LMNB2: variants seen among roughly 807,000 people sequenced by gnomAD.
LMNB2 encodes the protein lamin-B2.
A neutral mutation model predicts 69.3 loss-of-function variants in LMNB2; 17 were observed. The ratio of observed to expected loss-of-function variants is 0.25; its 90% CI spans 0.17 to 0.37. LMNB2 has a LOEUF of 0.37. Among genes scored for constraint, LMNB2 ranks in the 10% least tolerant of loss-of-function variants. The probability of loss-of-function intolerance (pLI) is 1.00; values close to 1 mark genes in which losing one functional copy is unlikely to be tolerated. For missense variants in LMNB2, 789 were observed against 883.6 expected (o/e 0.89, Z 1.36); for synonymous variants, 397 against 389.3 (o/e 1.02, Z -0.23).
In LMNB2 at chr19:2,440,390, A is replaced by G. The variant is rs1252106321; in HGVS notation, c.402-1859T>C. Among the ~76,000 whole-genome samples, 3 of 152,020 alleles carry G rather than the reference A, an allele frequency of 2.0e-5. No individual in the cohort carries two copies. The East Asian group carries it at 5.8e-4, about 29-fold the overall frequency. On this transcript the variant is annotated intron_variant, in intron 2 of 11. Transcript: ENST00000325327. Reference sequence around the variant, plus strand: ...TTTTTAGTAGAGACGGGGTTTCTCCATGTTGGTTAGCCTGGTCTTGAACTC... The same window carrying G: ...TTTTTAGTAGAGACGGGGTTTCTCCGTGTTGGTTAGCCTGGTCTTGAACTC...
At position 2,434,820 on chromosome 19, in the gene LMNB2, G is replaced by A; in HGVS notation, c.949C>T (p.Leu317Phe). The A allele has an allele frequency of 6.2e-7, 1 of 1,608,866 alleles. No homozygotes were observed. Among genetic ancestry groups the A allele is most frequent in the Admixed American group, 1.7e-5 (1 of 59,804 alleles). Reference sequence around the variant, plus strand: ...TGGAGGCCGGAGAGCTGGTAGCTGAGGGACTCCAGGCGCATGCGGGCCTCC... The same window carrying A: ...TGGAGGCCGGAGAGCTGGTAGCTGAAGGACTCCAGGCGCATGCGGGCCTCC... ...LKEARMRLES[L>F]SYQLSGLQKQ... is the part of the protein sequence containing the mutation. Residue 317 changes from leucine (L) to phenylalanine (F), a missense_variant, in exon 6 of 12, where the codon CTC becomes TTC. By Grantham distance (22) the Leu-to-Phe change is conservative. Around this residue, in one of 3 missense-constraint regions of LMNB2, gnomAD observed 609 missense variants for 630.9 expected, o/e 0.97. Transcript: ENST00000325327.
At chr19:2,431,992 C>G (rs1599329845) in intron 9 of LMNB2, 90 bp from the exon 10 acceptor site, 12 of 1,498,564 alleles carry the variant, frequency 8.0e-6, no homozygotes, top group South Asian at 7.2e-5. Context: ...AAGCCCCCTT[C>G]AATGCCCTGG....
rs1971685450 is a variant in LMNB2, at chr19:2,428,190, G to C, written c.*2721C>G. 6.6e-6 allele frequency: 1 copy of C among 152,092 alleles called. No homozygotes were observed. The highest frequency in any genetic ancestry group is 2.4e-5 in the African/African-American group (1 of 41,374). The allele number at this position is 152,092 out of a possible 1,614,324, so 9.4% of individuals were successfully genotyped here. A position where few individuals can be genotyped will look rare whatever the true frequency, so the allele number is the denominator to read the frequency against. ...CTAAAATCAAAATGTTTATTGGAGTGTTGTACAAAAAAGTTTCCAGTCATA... is the reference window on the plus strand; with the variant it reads ...CTAAAATCAAAATGTTTATTGGAGTCTTGTACAAAAAAGTTTCCAGTCATA... On this transcript the variant is annotated 3_prime_UTR_variant, in exon 12 of 12. Transcript: ENST00000325327.
At chr19:2,432,339 G>T in intron 9 of LMNB2, 77 bp downstream of exon 9, 7 of 456,470 alleles carry the variant, frequency 1.5e-5, no homozygotes, top group Middle Eastern at 4.1e-4. Flanking sequence ...CCCCCGCCAA[G>T]TCCTGTGCCT....
chr19:2,454,310 A>AAAAG (rs1482781288), intron 1 of LMNB2, among the ~76,000 whole-genome samples: 1 of 151,066 alleles, frequency 6.6e-6, no homozygotes, highest in African/African-American at 2.4e-5. Flanking sequence ...AAAAAAAAAA[A>AAAAG]AAAGAAAGAA....
rs1006878874 is a variant in LMNB2, at chr19:2,430,029, G to C, written c.*882C>G. On this transcript the variant is annotated 3_prime_UTR_variant, in exon 12 of 12. Transcript: ENST00000325327. Reference sequence around the variant, plus strand: ...GCAGACGGAGCTGGAACACGGGAGGGGCTCCACAGCGCTCTCCTCCAGAGG... The same window carrying C: ...GCAGACGGAGCTGGAACACGGGAGGCGCTCCACAGCGCTCTCCTCCAGAGG... 2.0e-5 allele frequency: 3 copies of C among 152,520 alleles called. No homozygotes were observed. Among genetic ancestry groups the C allele is most frequent in the African/African-American group, 7.2e-5 (3 of 41,434 alleles). The allele number at this position is 152,520 out of a possible 1,614,324, so 9.4% of individuals were successfully genotyped here.
At chr19:2,440,502 ATATC>A (rs1194935039) in intron 2 of LMNB2, among the ~76,000 whole-genome samples, 5 of 152,090 alleles carry the variant, frequency 3.3e-5, no homozygotes, top group Non-Finnish European at 7.4e-5. Context: ...ACAGATAGCT[ATATC>A]TATCTATTGC....
chr19:2,445,104 C>G (rs923000436), intron 1 of LMNB2, among the ~76,000 whole-genome samples: 2 of 152,126 alleles, frequency 1.3e-5, no homozygotes, highest in African/African-American at 2.4e-5. Context: ...TGATCACTCT[C>G]GGACAACTGG....
intron 4 of LMNB2, chr19:2,436,771 C>A: frequency 6.3e-6 from 1 of 158,410 alleles, no homozygotes; most frequent in South Asian, 1.7e-4. Flanking sequence ...CCTTCCGCCC[C>A]CACGGCCGCC....
At chr19:2,455,953 G>A (rs976187795) in intron 1 of LMNB2, among the ~76,000 whole-genome samples, 4 of 149,366 alleles carry the variant, frequency 2.7e-5, no homozygotes, top group Non-Finnish European at 6.0e-5. Flanking sequence ...AGACCCCCAA[G>A]CCGGGACCCT....
At chr19:2,456,581 C>G (rs1291725614) in intron 1 of LMNB2, 89 bp downstream of exon 1, 12 of 1,278,474 alleles carry the variant, frequency 9.4e-6, no homozygotes, top group Admixed American at 8.7e-5. Context: ...CGTCTGCACC[C>G]CCGCCCAGGG....
chr19:2,452,972 G>A (rs1727206927), intron 1 of LMNB2, among the ~76,000 whole-genome samples: 2 of 132,838 alleles, frequency 1.5e-5, no homozygotes, highest in Non-Finnish European at 3.2e-5. Context: ...CCTAATGGGG[G>A]ATGGGTCATC....
Position 2,438,418 on chromosome 19 carries a change from C to G in LMNB2, c.515G>C (p.Gly172Ala). Residue 172 changes from glycine (G) to alanine (A), a missense_variant, in exon 3 of 12, where the codon GGC becomes GCC. Coordinates refer to ENST00000325327, the MANE Select transcript of LMNB2 (RefSeq NM_032737.4). ...ELAAALSDKRGLESDVAELRA... is the reference protein window; with the variant it reads ...ELAAALSDKRALESDVAELRA... The stretch of plus-strand genomic sequence containing the variant: ...CAGCTCAGCCACGTCACTCTCCAGG[C>G]CGCGCTTGTCGCTGAGGGCAGCTGC... 6.2e-7 allele frequency: 1 copy of G among 1,612,808 alleles called. No homozygotes were observed. The highest frequency in any genetic ancestry group is 8.5e-7 in the Non-Finnish European group (1 of 1,179,890).
intron 9 of LMNB2, 76 bp from the exon 10 acceptor site, chr19:2,431,978 C>T: frequency 1.3e-6 from 2 of 1,536,194 alleles, no homozygotes; most frequent in East Asian, 4.8e-5. Context: ...TGGCCCCTAC[C>T]ACAAAGCCCC....
chr19:2,438,587 G>A, intron 2 of LMNB2, 56 bp from the exon 3 acceptor site: 2 of 1,586,042 alleles, frequency 1.3e-6, no homozygotes, highest in Admixed American at 1.7e-5. Context: ...GGGCCACAGG[G>A]AGCACCTCAG....
At chr19:2,439,073 AGG>A (rs753428829) in intron 2 of LMNB2, among the ~76,000 whole-genome samples, 3 of 84,428 alleles carry the variant, frequency 3.6e-5, no homozygotes, top group Admixed American at 2.1e-4. Flanking sequence ...TTTAAGAGAC[AGG>A]GGTTCACTTG....
chr19:2,430,746 A>C lies in LMNB2; in HGVS notation c.*165T>G. The C allele has an allele frequency of 1.4e-6, 1 of 708,010 alleles. No individual in the cohort carries two copies. Among genetic ancestry groups the C allele is most frequent in the Non-Finnish European group, 2.6e-6 (1 of 381,068 alleles). 43.9% of individuals were successfully genotyped at this position (708,010 alleles called of 1,614,324 possible). ...CGAAGTGGCAGCGAAGTGAGGCTGG[A>C]GGAGACCCGCCAGGAGGGAGGGCTG... On this transcript the variant is annotated 3_prime_UTR_variant, in exon 12 of 12. Transcript: ENST00000325327.
intron 4 of LMNB2, among the ~76,000 whole-genome samples, chr19:2,436,233 AG>A (rs1174292867): frequency 2.0e-5 from 3 of 152,176 alleles, no homozygotes; most frequent in Non-Finnish European, 2.9e-5. Context: ...CAGTGAGCTG[AG>A]ATCATGCCAC....
At chr19:2,455,413 G>A (rs919556693) in intron 1 of LMNB2, among the ~76,000 whole-genome samples, 2 of 152,004 alleles carry the variant, frequency 1.3e-5, no homozygotes, top group Non-Finnish European at 2.9e-5. Context: ...CCTCAGTTGG[G>A]GGGGGTCCGC....
Sources: gnomAD v4.1 joint callset for allele counts (sites outside exome capture counted in the v4.1 genomes callset) on GRCh38, gnomAD v4.1.1 for gene constraint, gnomAD v4.1.1 regional missense constraint, MANE v1.5 for transcripts, NCBI Gene and HGNC (gene_info 2026-07-23, HGNC 2026-07-21) for gene names.